The following EFNA5 variants were observed in gnomAD, a reference collection of about 807,000 sequenced individuals.
EFNA5 encodes the protein ephrin-A5.
Under a neutral mutation model 22.9 loss-of-function variants are expected in EFNA5, and 5 were observed. The ratio of observed to expected loss-of-function variants is 0.22; its 90% CI spans 0.11 to 0.46. The LOEUF (loss-of-function observed/expected upper bound fraction) is 0.46, where lower values mean the gene tolerates loss of function less well. Ranked by LOEUF, EFNA5 falls within the 20% of genes least tolerant of loss-of-function variation. EFNA5 has a pLI of 0.99. For missense variants in EFNA5, 237 were observed against 293.3 expected, an observed-to-expected ratio of 0.81 and a Z score of 1.40; for synonymous variants, 113 against 112.2, an observed-to-expected ratio of 1.01 and a Z score of -0.04.
intron 1 of EFNA5, among the ~76,000 whole-genome samples, chr5:107,516,368 T>C (rs1747482679): frequency 6.6e-6 from 1 of 152,056 alleles, no homozygotes; most frequent in Non-Finnish European, 1.5e-5. Context: ...AGCCACGATA[T>C]ACAGGAATCA....
chr5:107,380,292 A>ATTCCACTAT lies in EFNA5; in HGVS notation c.*954_*962dup, dbSNP rs1747403081. ...ATCCCCCAGAGGAGTATCCAAAGCT[A>ATTCCACTAT]TTCCACTATGCACTCATCAACCCTG... On this transcript the variant is annotated 3_prime_UTR_variant, in exon 5 of 5. Transcript: ENST00000333274. 6.9e-6 allele frequency: 1 copy of ATTCCACTAT among 144,652 alleles called. No individual in the cohort carries two copies. Among genetic ancestry groups the ATTCCACTAT allele is most frequent in the East Asian group, 2.1e-4 (1 of 4,770 alleles). The allele number at this position is 144,652 out of a possible 1,614,324, so 9.0% of individuals were successfully genotyped here.
chr5:107,542,273 G>A (rs1477953078), intron 1 of EFNA5, among the ~76,000 whole-genome samples: 1 of 152,172 alleles, frequency 6.6e-6, no homozygotes, highest in East Asian at 1.9e-4. Context: ...TTCCCAAGCT[G>A]TACTGAAAGG....
chr5:107,396,500 C>T (rs1435682756), intron 2 of EFNA5, among the ~76,000 whole-genome samples: 2 of 152,124 alleles, frequency 1.3e-5, no homozygotes, highest in African/African-American at 4.8e-5. Context: ...TGGGGATATC[C>T]CTAAGCAGGG....
chr5:107,447,581 T>C (rs1749429732), intron 1 of EFNA5, among the ~76,000 whole-genome samples: 1 of 152,038 alleles, frequency 6.6e-6, no homozygotes, highest in South Asian at 2.1e-4. Flanking sequence ...GTGCTATAAA[T>C]GTAAGAGAAA....
chr5:107,602,787 C>T (rs1343644982), intron 1 of EFNA5, among the ~76,000 whole-genome samples: 2 of 151,858 alleles, frequency 1.3e-5, no homozygotes, highest in Non-Finnish European at 2.9e-5. Flanking sequence ...GGTTCCCAGT[C>T]GTTAGACGTG....
chr5:107,392,317 CAA>C (rs1747810800), intron 2 of EFNA5, among the ~76,000 whole-genome samples: 1 of 152,186 alleles, frequency 6.6e-6, no homozygotes, highest in Admixed American at 6.5e-5. Context: ...CTGATTGTTA[CAA>C]AAGACTGTAC....
intron 1 of EFNA5, among the ~76,000 whole-genome samples, chr5:107,670,198 C>A (rs1751160889): frequency 6.6e-6 from 1 of 152,116 alleles, no homozygotes; most frequent in Non-Finnish European, 1.5e-5. Context: ...GCAGAGAAGT[C>A]CCTACTCCCC....
intron 1 of EFNA5, among the ~76,000 whole-genome samples, chr5:107,435,297 T>C (rs1010188696): frequency 6.6e-6 from 1 of 150,978 alleles, no homozygotes; most frequent in Admixed American, 6.6e-5. Context: ...GCTTTCCTAT[T>C]CTAAATCTGA....
chr5:107,458,919 C>G (rs1749765122), intron 1 of EFNA5, among the ~76,000 whole-genome samples: 1 of 152,068 alleles, frequency 6.6e-6, no homozygotes, highest in South Asian at 2.1e-4. Flanking sequence ...TAAAAGCAGT[C>G]TAGATCTTTT....
chr5:107,525,433 C>G (rs1467733662), intron 1 of EFNA5, among the ~76,000 whole-genome samples: 1 of 152,138 alleles, frequency 6.6e-6, no homozygotes, highest in East Asian at 1.9e-4. Context: ...ATTTGACCAA[C>G]CTCCATGCAG....
intron 4 of EFNA5, among the ~76,000 whole-genome samples, chr5:107,383,923 A>C (rs548980004): frequency 1.3e-5 from 2 of 152,336 alleles, no homozygotes; most frequent in East Asian, 3.9e-4. Context: ...TTTTATAAGC[A>C]CCCAACGAAT....
chr5:107,602,039 C>G (rs749487235), intron 1 of EFNA5, among the ~76,000 whole-genome samples: 1 of 152,084 alleles, frequency 6.6e-6, no homozygotes, highest in Non-Finnish European at 1.5e-5. Flanking sequence ...AGCATTACTC[C>G]GAATTTAACG....
chr5:107,487,721 C>T (rs549897023), intron 1 of EFNA5, among the ~76,000 whole-genome samples: 1 of 152,316 alleles, frequency 6.6e-6, no homozygotes, highest in East Asian at 1.9e-4. Context: ...CCTTGAATGT[C>T]AGCTATGTTT....
chr5:107,457,304 G>C (rs1296099809), intron 1 of EFNA5, among the ~76,000 whole-genome samples: 1 of 152,096 alleles, frequency 6.6e-6, no homozygotes, highest in African/African-American at 2.4e-5. Flanking sequence ...GGTAGGAATA[G>C]TCTCTAGCCT....
At chr5:107,439,258 G>A (rs1224511856) in intron 1 of EFNA5, among the ~76,000 whole-genome samples, 1 of 152,152 alleles carries the variant, frequency 6.6e-6, no homozygotes, top group African/African-American at 2.4e-5. Context: ...GGGAGAAGAT[G>A]GCTGCCCCAA....
At chr5:107,590,747 T>A (rs553167991) in intron 1 of EFNA5, among the ~76,000 whole-genome samples, 40 of 152,232 alleles carry the variant, frequency 2.6e-4, no homozygotes, top group Middle Eastern at 6.8e-3. Context: ...AAAGGAAGAA[T>A]CTTACTTGTT....
At chr5:107,660,243 C>G (rs1231295240) in intron 1 of EFNA5, among the ~76,000 whole-genome samples, 1 of 117,302 alleles carries the variant, frequency 8.5e-6, no homozygotes, top group African/African-American at 3.2e-5. Context: ...AAGACTGGAA[C>G]CTCTGAGATG....
intron 1 of EFNA5, among the ~76,000 whole-genome samples, chr5:107,448,036 TCCAC>T (rs1749441705): frequency 6.6e-6 from 1 of 151,958 alleles, no homozygotes; most frequent in African/African-American, 2.4e-5. Flanking sequence ...AACCTCATGA[TCCAC>T]CCACCTCAGC....
chr5:107,447,841 T>G (rs971544256), intron 1 of EFNA5, among the ~76,000 whole-genome samples: 1 of 152,112 alleles, frequency 6.6e-6, no homozygotes, highest in Non-Finnish European at 1.5e-5. Context: ...AGGGATTTTT[T>G]TTTTTCTTTT....
Sources: allele counts gnomAD v4.1 joint callset (sites outside exome capture counted in the v4.1 genomes callset), GRCh38; gene constraint gnomAD v4.1.1; transcripts MANE v1.5; gene names NCBI Gene and HGNC (gene_info 2026-07-23, HGNC 2026-07-21).